Variants in ABL1 observed in about 807,000 individuals in gnomAD.
The protein encoded by ABL1 is tyrosine-protein kinase ABL1.
ABL1 carries 11 observed loss-of-function variants against 94.7 expected under a neutral mutation model. The ratio of observed to expected loss-of-function variants is 0.12; its 90% CI spans 0.07 to 0.19. The LOEUF (loss-of-function observed/expected upper bound fraction) is 0.19. ABL1 is among the 10% of genes least tolerant of loss of function. The pLI, the probability that ABL1 is intolerant of heterozygous loss-of-function variation, is 1.00. For synonymous variants in ABL1, 656 were observed against 622.4 expected (o/e 1.05, Z -0.80); for missense variants, 1,082 against 1,489.4 (o/e 0.73, Z 4.50).
chr9:130,877,497 C>T (rs1365137877), intron 7 of ABL1, among the ~76,000 whole-genome samples: 3 of 147,828 alleles, frequency 2.0e-5, no homozygotes, highest in Admixed American at 1.3e-4. Context: ...AGCTGACTTC[C>T]GGCGCCAGGT....
intron 1 of ABL1, among the ~76,000 whole-genome samples, chr9:130,841,561 C>T (rs1392941977): frequency 7.2e-5 from 11 of 151,894 alleles, no homozygotes; most frequent in African/African-American, 2.4e-4. Flanking sequence ...CCTGTAATCC[C>T]AGCACTTTGG....
chr9:130,785,142 T>C (rs760999054), intron 1 of ABL1, among the ~76,000 whole-genome samples: 1 of 152,208 alleles, frequency 6.6e-6, no homozygotes, highest in African/African-American at 2.4e-5. Flanking sequence ...GTGTTAGGCT[T>C]TGTCAACAGA....
chr9:130,748,671 G>T (rs567746936), intron 1 of ABL1, among the ~76,000 whole-genome samples: 1 of 152,170 alleles, frequency 6.6e-6, no homozygotes, highest in East Asian at 1.9e-4. Flanking sequence ...CGCCTCCCGG[G>T]TTCAAGCAGT....
At chr9:130,721,313 G>C (rs190203364) in intron 1 of ABL1, among the ~76,000 whole-genome samples, 11 of 151,026 alleles carry the variant, frequency 7.3e-5, no homozygotes, top group Middle Eastern at 3.7e-3. Context: ...GGGAAGCAGA[G>C]GTTGCAGTGA....
rs896154969 is a variant in ABL1 at position 130,887,071 on chromosome 9, C to G, written c.*1388C>G. 1 of 233,046 alleles carries G rather than the reference C, an allele frequency of 4.3e-6. No homozygotes were observed. The allele number at this position is 233,046 out of a possible 1,614,324, so 14.4% of individuals were successfully genotyped here. A position where few individuals can be genotyped will look rare whatever the true frequency, so the allele number is the denominator to read the frequency against. On this transcript the variant is annotated 3_prime_UTR_variant, in exon 11 of 11. Coordinates refer to ENST00000318560, the MANE Select transcript of ABL1 (RefSeq NM_005157.6). Reference sequence around the variant, plus strand: ...GGGGGCTGTGACTCTGGGCAGGGACCCGGGGTCTCCTGGACCTTGACAGAG... The same window carrying G: ...GGGGGCTGTGACTCTGGGCAGGGACGCGGGGTCTCCTGGACCTTGACAGAG...
At chr9:130,815,484 C>A (rs1232235695) in intron 1 of ABL1, among the ~76,000 whole-genome samples, 2 of 152,108 alleles carry the variant, frequency 1.3e-5, no homozygotes, top group African/African-American at 2.4e-5. Context: ...CTTTTTCTGT[C>A]AAACCCCGTA....
rs141181174 is a variant in ABL1 at position 130,735,961 on chromosome 9, ATT to A, written c.136+21517_136+21518del. 4.4e-3 allele frequency among the ~76,000 whole-genome samples: 418 copies of A among 94,820 alleles called. 1 individual carries two copies. The highest frequency in any genetic ancestry group is 0.014 in the Middle Eastern group (3 of 208). 62.2% of individuals were successfully genotyped at this position (94,820 alleles called of 152,430 possible). Reference sequence around the variant, plus strand: ...TATATATATATATATATATATATATATTTTTTTTTTTTAAGACAGGGTCTGGC... The same window carrying A: ...TATATATATATATATATATATATATATTTTTTTTTTAAGACAGGGTCTGGC... On this transcript the variant is annotated intron_variant, in intron 1 of 10. Transcript: ENST00000372348.
chr9:130,811,111 A>C (rs960217645), intron 1 of ABL1, among the ~76,000 whole-genome samples: 4 of 152,206 alleles, frequency 2.6e-5, no homozygotes, highest in Non-Finnish European at 4.4e-5. Context: ...CTTTAAAAAA[A>C]AAAAGGAAGA....
At chr9:130,809,788 A>G (rs1387635076) in intron 1 of ABL1, among the ~76,000 whole-genome samples, 1 of 152,216 alleles carries the variant, frequency 6.6e-6, no homozygotes, top group African/African-American at 2.4e-5. Flanking sequence ...TTGCCAGACT[A>G]ACGTTTGACC....
chr9:130,869,745 A>G (rs1020201473), intron 4 of ABL1, among the ~76,000 whole-genome samples: 4 of 152,218 alleles, frequency 2.6e-5, no homozygotes, highest in Non-Finnish European at 5.9e-5. Flanking sequence ...TTTTAATGAA[A>G]GTAAAGGAAT....
Position 130,880,027 on chromosome 9 carries a change from C to A in ABL1, c.1424-41C>A. 1.9e-6 allele frequency: 3 copies of A among 1,581,506 alleles called. No individual in the cohort carries two copies. Among genetic ancestry groups the A allele is most frequent in the Non-Finnish European group, 2.6e-6 (3 of 1,150,322 alleles). On this transcript the variant is annotated intron_variant, in intron 8 of 10. Transcript: ENST00000318560. This position sits in a 1 kb window ranked among gnomAD's most constrained non-coding sequence, Gnocchi z 4.4. ...GAACTGCTAGCCCCGTATTGCTAGC[C>A]AGATCTCATGGATGATCTGACTTGG... is the stretch of plus-strand genomic sequence containing the variant.
chr9:130,752,949 A>T (rs1588223895), intron 1 of ABL1, among the ~76,000 whole-genome samples: 1 of 114,302 alleles, frequency 8.7e-6, no homozygotes, highest in Non-Finnish European at 1.8e-5. Flanking sequence ...ACAAAGCGAG[A>T]CTTCGTCTCA....
intron 6 of ABL1, 70 bp from the exon 7 acceptor site, chr9:130,874,798 C>A: frequency 6.7e-7 from 1 of 1,498,226 alleles, no homozygotes; most frequent in Non-Finnish European, 9.2e-7. Context: ...CACCTTTGCT[C>A]AGCAGTGGTG....
chr9:130,774,421 G>C (rs1206344827), intron 1 of ABL1, among the ~76,000 whole-genome samples: 1 of 152,100 alleles, frequency 6.6e-6, no homozygotes, highest in Non-Finnish European at 1.5e-5. Flanking sequence ...GGGCCTATGA[G>C]TAGACAGGGA....
chr9:130,876,846 C>A (rs1454573179), intron 7 of ABL1, among the ~76,000 whole-genome samples: 1 of 143,248 alleles, frequency 7.0e-6, no homozygotes, highest in Non-Finnish European at 1.5e-5. Flanking sequence ...ACGTCATTCT[C>A]CTGCCTCAGC....
At chr9:130,847,495 T>G (rs992225772) in intron 1 of ABL1, among the ~76,000 whole-genome samples, 1 of 152,312 alleles carries the variant, frequency 6.6e-6, no homozygotes, top group East Asian at 1.9e-4. Context: ...ACTTTGGCCT[T>G]GTAAGCTGTG....
At chr9:130,794,832 T>C (rs1459192372) in intron 1 of ABL1, among the ~76,000 whole-genome samples, 1 of 152,208 alleles carries the variant, frequency 6.6e-6, no homozygotes, top group Non-Finnish European at 1.5e-5. Flanking sequence ...GGTTCCACTC[T>C]TCTTGAGATT....
At chr9:130,793,317 T>G (rs1382659304) in intron 1 of ABL1, among the ~76,000 whole-genome samples, 1 of 152,178 alleles carries the variant, frequency 6.6e-6, no homozygotes, top group East Asian at 1.9e-4. Flanking sequence ...TCTTTAAAAG[T>G]TTTTTCCATA....
At chr9:130,834,859 A>C, upstream of ABL1, 1 of 455,746 alleles carries the variant, frequency 2.2e-6, no homozygotes, top group South Asian at 1.5e-5. Flanking sequence ...GCAGAGGAAT[A>C]TGCATTTTCA....
Sources: gnomAD v4.1 joint callset for allele counts (sites outside exome capture counted in the v4.1 genomes callset) on GRCh38, gnomAD v4.1.1 for gene constraint, Gnocchi (gnomAD v3.1) non-coding constraint, MANE v1.5 for transcripts, NCBI Gene and HGNC (gene_info 2026-07-23, HGNC 2026-07-21) for gene names.